GALNT13: variants seen among roughly 807,000 people sequenced by gnomAD.
GALNT13 encodes UDP-GalNAc:polypeptide N-acetylgalactosaminyltransferase 13.
Under a neutral mutation model 64.2 loss-of-function variants are expected in GALNT13, and 28 were observed. The observed-to-expected ratio is 0.44, with a 90% CI of 0.32 to 0.60. GALNT13 has a LOEUF of 0.60. Ranked by LOEUF, GALNT13 falls within the 20% of genes least tolerant of loss-of-function variation. The pLI is 0.05. For missense variants in GALNT13, 577 were observed against 669.8 expected (o/e 0.86, Z 1.53); for synonymous variants, 214 against 224.6 (o/e 0.95, Z 0.42).
the GALNT13 span, among the ~76,000 whole-genome samples, chr2:153,541,699 C>T: frequency 6.6e-6 from 1 of 152,182 alleles, no homozygotes; most frequent in East Asian, 1.9e-4. Flanking sequence ...GGAATACATG[C>T]TTAGAGAAAA....
intron 10 of GALNT13, among the ~76,000 whole-genome samples, chr2:154,406,432 T>C (rs1286718183): frequency 6.6e-6 from 1 of 152,138 alleles, no homozygotes; most frequent in African/African-American, 2.4e-5. Flanking sequence ...TTACTTAGTC[T>C]GGGATACCTC....
At chr2:153,201,976 T>TC in the GALNT13 span, among the ~76,000 whole-genome samples, 248 of 59,856 alleles carry the variant, frequency 4.1e-3, 2 homozygotes, top group African/African-American at 0.02. Flanking sequence ...CCCATTTCTT[T>TC]TTTTTTTTTT....
chr2:153,561,831 T>A, the GALNT13 span, among the ~76,000 whole-genome samples: 2 of 152,096 alleles, frequency 1.3e-5, no homozygotes, highest in African/African-American at 4.8e-5. Flanking sequence ...TAATACAAAT[T>A]TTATTTAAAA....
chr2:153,702,437 C>T, the GALNT13 span, among the ~76,000 whole-genome samples: 4 of 152,040 alleles, frequency 2.6e-5, no homozygotes, highest in Admixed American at 2.6e-4. Flanking sequence ...CAAACCTGCA[C>T]ATTCTGCACA....
intron 4 of GALNT13, among the ~76,000 whole-genome samples, chr2:154,210,030 C>T (rs2105797944): frequency 6.6e-6 from 1 of 152,238 alleles, no homozygotes; most frequent in Non-Finnish European, 1.5e-5. Flanking sequence ...CTCTGGAAAC[C>T]ACTGTTCTCC....
chr2:153,263,157 C>T, the GALNT13 span, among the ~76,000 whole-genome samples: 1 of 151,840 alleles, frequency 6.6e-6, no homozygotes, highest in African/African-American at 2.4e-5. Flanking sequence ...CAAAAACAGA[C>T]AAGCAGAGAG....
the GALNT13 span, among the ~76,000 whole-genome samples, chr2:153,780,214 G>GATATATATATATATAT: frequency 1.6e-5 from 2 of 128,034 alleles, no homozygotes; most frequent in African/African-American, 3.2e-5. Flanking sequence ...AGAATTTGAA[G>GATATATATATATATAT]ATATATATAT....
chr2:154,149,782 C>G (rs1335972843), intron 4 of GALNT13, among the ~76,000 whole-genome samples: 1 of 152,100 alleles, frequency 6.6e-6, no homozygotes, highest in Non-Finnish European at 1.5e-5. Flanking sequence ...GATTTTGTAT[C>G]CTGAGACTTT....
chr2:153,152,311 T>C, the GALNT13 span, among the ~76,000 whole-genome samples: 1 of 152,056 alleles, frequency 6.6e-6, no homozygotes, highest in Non-Finnish European at 1.5e-5. Flanking sequence ...GTAGTGGTAG[T>C]GCACTTGGAT....
chr2:153,752,385 T>C, the GALNT13 span, among the ~76,000 whole-genome samples: 4 of 152,114 alleles, frequency 2.6e-5, no homozygotes, highest in African/African-American at 9.6e-5. Context: ...TTCTTTATGA[T>C]TAAAGTAATC....
At chr2:153,826,460 C>A in the GALNT13 span, among the ~76,000 whole-genome samples, 22 of 152,188 alleles carry the variant, frequency 1.4e-4, no homozygotes, top group Non-Finnish European at 3.1e-4. Context: ...GACAAACATT[C>A]AAACCCTAGC....
rs116278554 is a variant in GALNT13, at chr2:154,250,772, A to G, written c.857+4790A>G. 9.6e-3 allele frequency among the ~76,000 whole-genome samples: 1,468 copies of G among 152,184 alleles called. 9 individuals carry two copies. The highest frequency in any genetic ancestry group is 0.017 in the Middle Eastern group (5 of 294). ...TATCAGATTGTATTAGACTTTTCTC[A>G]ATCCAACCATAATATACGTTTGGAT... On this transcript the variant is annotated intron_variant, in intron 7 of 12. Transcript: ENST00000392825.
At chr2:153,223,991 T>A in the GALNT13 span, among the ~76,000 whole-genome samples, 1 of 151,442 alleles carries the variant, frequency 6.6e-6, no homozygotes, top group Non-Finnish European at 1.5e-5. Context: ...AATAAATAAA[T>A]AAATAACTAA....
At chr2:153,652,113 T>C in the GALNT13 span, among the ~76,000 whole-genome samples, 1 of 152,282 alleles carries the variant, frequency 6.6e-6, no homozygotes, top group East Asian at 1.9e-4. Flanking sequence ...CTAAGCTACA[T>C]ATAAATAAAA....
intron 3 of GALNT13, among the ~76,000 whole-genome samples, chr2:153,960,290 G>A (rs551462464): frequency 1.5e-4 from 23 of 152,264 alleles, no homozygotes; most frequent in Non-Finnish European, 2.4e-4. Flanking sequence ...TTCTGTCTTT[G>A]CCCCATGTTG....
At position 154,175,246 on chromosome 2, in the gene GALNT13, T is replaced by C. The variant is rs536060186; in HGVS notation, c.311+34741T>C. Among the ~76,000 whole-genome samples, 15 of 152,314 alleles carry C rather than the reference T, an allele frequency of 9.8e-5. No homozygotes were observed. The South Asian group carries it at 2.5e-3, about 25-fold the overall frequency. ...TTTCATTTTCTGGAACATTTTAGTT[T>C]ATCCAGTAAACACATCAGTACATGA... On this transcript the variant is annotated intron_variant, in intron 4 of 12. Transcript: ENST00000392825.
the GALNT13 span, among the ~76,000 whole-genome samples, chr2:153,720,474 G>A: frequency 4.7e-5 from 7 of 148,808 alleles, no homozygotes; most frequent in Non-Finnish European, 7.5e-5. Flanking sequence ...GGATTTTGAC[G>A]AGCTGAGAGA....
At chr2:153,170,786 G>C in the GALNT13 span, among the ~76,000 whole-genome samples, 1 of 152,186 alleles carries the variant, frequency 6.6e-6, no homozygotes, top group South Asian at 2.1e-4. Flanking sequence ...CTGATTTTAA[G>C]TCAGTGAGGA....
chr2:153,632,624 A>G, the GALNT13 span, among the ~76,000 whole-genome samples: 1 of 152,220 alleles, frequency 6.6e-6, no homozygotes, highest in African/African-American at 2.4e-5. Flanking sequence ...AATAAAACAT[A>G]TAGGATACAA....
Sources: gnomAD v4.1 joint callset for allele counts (sites outside exome capture counted in the v4.1 genomes callset) on GRCh38, gnomAD v4.1.1 for gene constraint, MANE v1.5 for transcripts, NCBI Gene and HGNC (gene_info 2026-07-23, HGNC 2026-07-21) for gene names.